The following CTNNB1 variants were observed in gnomAD, a reference collection of about 807,000 sequenced individuals.
The protein encoded by CTNNB1 is catenin beta-1.
CTNNB1 carries 6 observed loss-of-function variants against 82.5 expected under a neutral mutation model. That is an observed-to-expected ratio of 0.07 (90% confidence interval 0.04 to 0.14). The LOEUF is 0.14. Ranked by LOEUF, CTNNB1 falls within the 10% of genes least tolerant of loss-of-function variation. CTNNB1 has a pLI of 1.00. For synonymous variants in CTNNB1, 312 were observed against 329.7 expected (o/e 0.95, Z 0.58); for missense variants, 529 against 980.4 (o/e 0.54, Z 6.15).
At chr3:41,205,556 A>T (rs1297718769) in intron 1 of CTNNB1, among the ~76,000 whole-genome samples, 2 of 152,104 alleles carry the variant, frequency 1.3e-5, no homozygotes, top group African/African-American at 2.4e-5. Flanking sequence ...GGTGCCTGTG[A>T]TCCCAGCTGC....
At chr3:41,234,364 C>T in intron 10 of CTNNB1, 67 bp downstream of exon 10, 3 of 1,547,424 alleles carry the variant, frequency 1.9e-6, no homozygotes, top group Non-Finnish European at 2.7e-6. Flanking sequence ...GGATCCTGAA[C>T]TTCTTTCTTT....
rs987749889 is a variant in CTNNB1, at chr3:41,240,191, G to GA, written c.*853dup. 7 of 201,858 alleles carry GA rather than the reference G, an allele frequency of 3.5e-5. No homozygotes were observed. The Admixed American group carries it at 3.6e-4, about 10-fold the overall frequency. The allele number at this position is 201,858 out of a possible 1,614,324, so 12.5% of individuals were successfully genotyped here. A position where few individuals can be genotyped will look rare whatever the true frequency, so the allele number is the denominator to read the frequency against. On this transcript the variant is annotated 3_prime_UTR_variant, in exon 15 of 15. Coordinates refer to ENST00000349496, the MANE Select transcript of CTNNB1 (RefSeq NM_001904.4). ...CCTTTTTGTATAAAATAGACAAATA[G>GA]AAAATGGTCCAATTAGTTTCCTTTT...
chr3:41,224,251 C>T, intron 2 of CTNNB1, 170 bp downstream of exon 2: 1 of 846,934 alleles, frequency 1.2e-6, no homozygotes, highest in African/African-American at 1.7e-5. Context: ...AGCAAACAAG[C>T]CACCAGCAGG....
chr3:41,234,157 C>G lies in CTNNB1; in HGVS notation c.1543C>G (p.Arg515Gly), dbSNP rs397514554. ...TTTTCAGGCTACTGTTGGATTGATT[C>G]GAAATCTTGCCCTTTGTCCCGCAAA... ...PLIKATVGLI[R>G]NLALCPANHA... The change falls in exon 10 of 15, where the codon CGA becomes GGA. Residue 515 changes from arginine to glycine, a missense_variant. Around this residue, in one of 4 missense-constraint regions of CTNNB1, gnomAD observed 411 missense variants for 776.4 expected, o/e 0.53. Coordinates refer to ENST00000349496, the MANE Select transcript of CTNNB1 (RefSeq NM_001904.4). 5 of 1,614,156 alleles carry G rather than the reference C, an allele frequency of 3.1e-6. No individual in the cohort carries two copies. The highest frequency in any genetic ancestry group is 4.2e-6 in the Non-Finnish European group (5 of 1,180,028).
chr3:41,236,525 T>A (rs770080719), intron 12 of CTNNB1, 26 bp downstream of exon 12: 6 of 1,614,226 alleles, frequency 3.7e-6, no homozygotes, highest in Non-Finnish European at 4.2e-6. Context: ...CCAAAGCCTT[T>A]AGCAGATGTG....
In CTNNB1 at chr3:41,234,325, G is replaced by C. The variant is rs4135380; in HGVS notation, c.1683+28G>C. On this transcript the variant is annotated intron_variant, in intron 10 of 14. Transcript: ENST00000349496. ...AGGTAAATTCTTACAGTGATACCTG[G>C]CTATCTAAAAGGAATGCATAAATCC... 16 of 1,612,728 alleles carry C rather than the reference G, an allele frequency of 9.9e-6. 1 individual carries two copies. The South Asian group carries it at 1.6e-4, about 17-fold the overall frequency.
intron 7 of CTNNB1, among the ~76,000 whole-genome samples, chr3:41,230,250 C>G (rs1376236909): frequency 6.6e-6 from 1 of 152,082 alleles, no homozygotes; most frequent in African/African-American, 2.4e-5. Context: ...GTCAGCTGTT[C>G]CAGCAGTAAC....
At chr3:41,209,574 T>A (rs2077730065) in intron 1 of CTNNB1, among the ~76,000 whole-genome samples, 1 of 152,186 alleles carries the variant, frequency 6.6e-6, no homozygotes, top group African/African-American at 2.4e-5. Flanking sequence ...CAGAAATGCG[T>A]CATTAGGAGA....
At chr3:41,222,658 G>A (rs956024160) in intron 1 of CTNNB1, among the ~76,000 whole-genome samples, 10 of 152,132 alleles carry the variant, frequency 6.6e-5, no homozygotes, top group Admixed American at 4.6e-4. Context: ...AGTAATATGC[G>A]TAAATGTTTT....
At chr3:41,215,430 G>GTTA (rs1243538121) in intron 1 of CTNNB1, among the ~76,000 whole-genome samples, 2 of 139,862 alleles carry the variant, frequency 1.4e-5, no homozygotes, top group Admixed American at 7.3e-5. Flanking sequence ...AATAATTGTT[G>GTTA]TTAGCTCTCC....
At position 41,225,453 on chromosome 3, in the gene CTNNB1, A is replaced by C. The variant is rs962652466; in HGVS notation, c.615A>C (p.Thr205=). The change falls in exon 5 of 15, where the codon ACA becomes ACC. Residue 205 remains threonine, a synonymous_variant. Transcript: ENST00000349496. The surrounding 1 kb of genome is among the most constrained non-coding windows in gnomAD (Gnocchi z 5.3). The part of the protein sequence containing the change: ...VSAIVRTMQN[T]NDVETARCTA... ...CTATTGTACGTACCATGCAGAATAC[A>C]AATGATGTAGAAACAGCTCGTTGTA... The C allele has an allele frequency of 3.1e-6, 5 of 1,613,848 alleles. No individual in the cohort carries two copies. The African/African-American group carries it at 6.7e-5, about 22-fold the overall frequency.
intron 10 of CTNNB1, 170 bp from the exon 11 acceptor site, chr3:41,235,554 A>C (rs2078414142): frequency 1.3e-6 from 1 of 787,666 alleles, no homozygotes; most frequent in African/African-American, 1.7e-5. Flanking sequence ...TGCTGCCAGG[A>C]GGCCTCTTTT....
In CTNNB1 at chr3:41,233,552, G is replaced by T. The variant is rs1374654092; in HGVS notation, c.1209G>T (p.Gly403=). 1.2e-6 allele frequency: 2 copies of T among 1,614,154 alleles called. No homozygotes were observed. The highest frequency in any genetic ancestry group is 1.3e-5 in the African/African-American group (1 of 75,026). The change falls in exon 9 of 15, where the codon GGG becomes GGT. Residue 403 remains glycine (G), a synonymous_variant. Coordinates refer to ENST00000349496, the MANE Select transcript of CTNNB1 (RefSeq NM_001904.4). ...AGGAAGGGATGGAAGGTCTCCTTGG[G>T]ACTCTTGTTCAGCTTCTGGGTTCAG... ...TKQEGMEGLL[G]TLVQLLGSDD... is the part of the protein sequence containing the mutation.
intron 11 of CTNNB1, chr3:41,236,101 A>G (rs897828413): frequency 1.5e-6 from 1 of 687,694 alleles, no homozygotes; most frequent in Middle Eastern, 4.1e-4. Flanking sequence ...CCCCCAACCA[A>G]TTCTGGGTTT....
intron 1 of CTNNB1, chr3:41,221,969 C>A (rs1376976565): frequency 1.3e-5 from 2 of 151,956 alleles, no homozygotes; most frequent in Admixed American, 1.3e-4. Flanking sequence ...TTTATTTATT[C>A]TCTCCAGTAT....
At chr3:41,210,851 G>A (rs140769360) in intron 1 of CTNNB1, among the ~76,000 whole-genome samples, 5 of 151,720 alleles carry the variant, frequency 3.3e-5, no homozygotes, top group Non-Finnish European at 7.4e-5. Flanking sequence ...GTGCAGTGGT[G>A]CGAGGATAGC....
chr3:41,223,249 G>T (rs2078093518), intron 1 of CTNNB1, among the ~76,000 whole-genome samples: 1 of 152,102 alleles, frequency 6.6e-6, no homozygotes, highest in African/African-American at 2.4e-5. Flanking sequence ...TAATTTGCAA[G>T]TAGTTCCCTG....
intron 11 of CTNNB1, 143 bp downstream of exon 11, chr3:41,235,986 T>A: frequency 9.5e-7 from 1 of 1,053,548 alleles, no homozygotes; most frequent in Non-Finnish European, 1.5e-6. Context: ...TTTTGGTCAG[T>A]AAGAGAAACA....
chr3:41,234,335 A>G (rs1051117331), intron 10 of CTNNB1, 38 bp downstream of exon 10: 5 of 1,608,102 alleles, frequency 3.1e-6, no homozygotes, highest in Non-Finnish European at 4.3e-6. Flanking sequence ...GCTATCTAAA[A>G]GGAATGCATA....
Sources: gnomAD v4.1 joint callset for allele counts (sites outside exome capture counted in the v4.1 genomes callset) on GRCh38, gnomAD v4.1.1 for gene constraint, gnomAD v4.1.1 regional missense constraint, Gnocchi (gnomAD v3.1) non-coding constraint, MANE v1.5 for transcripts, NCBI Gene and HGNC (gene_info 2026-07-23, HGNC 2026-07-21) for gene names.